CLEC12A: variants seen among roughly 807,000 people sequenced by gnomAD.
The protein encoded by CLEC12A is C-type lectin protein CLL-1.
Under a neutral mutation model 26.5 loss-of-function variants are expected in CLEC12A, and 22 were observed. The ratio of observed to expected loss-of-function variants is 0.83; its 90% CI spans 0.59 to 1.19. The LOEUF (loss-of-function observed/expected upper bound fraction) is 1.19, where lower values mean the gene tolerates loss of function less well. CLEC12A is among the 50% of genes most tolerant of loss of function. The pLI, the probability that CLEC12A is intolerant of heterozygous loss-of-function variation, is 0.00. For synonymous variants in CLEC12A, 119 were observed against 101.9 expected (o/e 1.17, Z -1.01); for missense variants, 353 against 315.6 (o/e 1.12, Z -0.90).
chr12:9,998,271 TC>T, downstream of CLEC12A: 1 of 1,609,750 alleles, frequency 6.2e-7, no homozygotes, highest in Non-Finnish European at 8.5e-7. Flanking sequence ...TCTGGCAGAG[TC>T]AACACTTACA....
intron 1 of CLEC12A, among the ~76,000 whole-genome samples, chr12:9,978,445 C>A (rs61913542): frequency 0.066 from 9,606 of 145,354 alleles, 412 homozygotes; most frequent in Non-Finnish European, 0.095. Flanking sequence ...CGGGAGGACA[C>A]CCAAAGACAT....
chr12:9,971,388 C>T (rs1434641006), upstream of CLEC12A: 1 of 1,187,872 alleles, frequency 8.4e-7, no homozygotes, highest in African/African-American at 1.6e-5. Flanking sequence ...ATGTTCTTAA[C>T]TGAAGCCACA....
At position 9,952,077 on chromosome 12, in the gene CLEC12A, A is replaced by G. The variant is rs371062645; in HGVS notation, c.10+721A>G. The G allele has an allele frequency of 8.1e-5, 11 of 135,324 alleles. No homozygotes were observed. The East Asian group carries it at 1.2e-3, about 14-fold the overall frequency. The allele number at this position is 135,324 out of a possible 1,614,324, so 8.4% of individuals were successfully genotyped here. A position where few individuals can be genotyped will look rare whatever the true frequency, so the allele number is the denominator to read the frequency against. ...TGGCCTTTAAAAATCAAACTGTCAG[A>G]CCCTGTCTCAAGGAAAAAAAAAAAA... On this transcript the variant is annotated intron_variant, in intron 1 of 6. Transcript: ENST00000355690.
intron 1 of CLEC12A, among the ~76,000 whole-genome samples, chr12:9,974,825 T>C (rs1202999117): frequency 6.6e-6 from 1 of 152,146 alleles, no homozygotes; most frequent in African/African-American, 2.4e-5. Context: ...CATACTGATA[T>C]GGTTTGACTG....
chr12:9,957,563 A>AT (rs1279390376), intron 1 of CLEC12A, among the ~76,000 whole-genome samples: 12 of 152,126 alleles, frequency 7.9e-5, no homozygotes, highest in East Asian at 1.9e-4. Context: ...TTCTTTTGAG[A>AT]TTTTGATCAG....
intron 1 of CLEC12A, 116 bp from the exon 2 acceptor site, chr12:9,978,850 T>C: frequency 1.4e-6 from 1 of 717,560 alleles, no homozygotes; most frequent in Non-Finnish European, 2.4e-6. Flanking sequence ...AATCCATTTC[T>C]TTCCAATAGG....
downstream of CLEC12A, among the ~76,000 whole-genome samples, chr12:9,989,585 G>A (rs1270524087): frequency 1.3e-5 from 2 of 152,302 alleles, no homozygotes; most frequent in East Asian, 3.9e-4. Context: ...AGAAATGTTG[G>A]AAGCTAGCAG....
downstream of CLEC12A, chr12:9,996,637 T>G: frequency 7.4e-6 from 5 of 674,094 alleles, no homozygotes; most frequent in Non-Finnish European, 1.3e-5. Flanking sequence ...GACAAGTCAA[T>G]TTGACTGATC....
intron 1 of CLEC12A, among the ~76,000 whole-genome samples, chr12:9,972,789 T>A (rs887250221): frequency 6.6e-6 from 1 of 151,750 alleles, no homozygotes; most frequent in Non-Finnish European, 1.5e-5. Context: ...AATACTGAAA[T>A]TTTTTTTTAG....
At chr12:9,964,907 T>G (rs923386176) in intron 1 of CLEC12A, among the ~76,000 whole-genome samples, 1 of 151,936 alleles carries the variant, frequency 6.6e-6, no homozygotes, top group African/African-American at 2.4e-5. Context: ...AGAGATACAG[T>G]CATAGGGGTC....
rs1865005640 is a variant in CLEC12A at position 9,995,079 on chromosome 12, G to A, written n.1066G>A. On this transcript the variant is annotated non_coding_transcript_exon_variant, in exon 5 of 5. Transcript: ENST00000449959. ...AGTAGTGACTTGGACTGAGAGAAGAGGGAATCTCAAGAATAAGAGTTTCCA... is the reference window on the plus strand; with the variant it reads ...AGTAGTGACTTGGACTGAGAGAAGAAGGAATCTCAAGAATAAGAGTTTCCA... 3.1e-6 allele frequency: 5 copies of A among 1,602,344 alleles called. No individual in the cohort carries two copies. The East Asian group carries it at 9.0e-5, about 29-fold the overall frequency.
chr12:9,962,431 T>C (rs1219623096), intron 1 of CLEC12A, among the ~76,000 whole-genome samples: 1 of 152,156 alleles, frequency 6.6e-6, no homozygotes, highest in East Asian at 1.9e-4. Context: ...TTTTCCGTTA[T>C]AACTTTCACT....
At chr12:9,976,731 C>T (rs1864352049) in intron 1 of CLEC12A, among the ~76,000 whole-genome samples, 1 of 152,114 alleles carries the variant, frequency 6.6e-6, no homozygotes, top group South Asian at 2.1e-4. Context: ...TATGGTTTGG[C>T]TGTGTCCACA....
downstream of CLEC12A, among the ~76,000 whole-genome samples, chr12:9,986,389 GT>G (rs2137215428): frequency 7.2e-6 from 1 of 138,988 alleles, no homozygotes; most frequent in Non-Finnish European, 1.5e-5. Flanking sequence ...AGTATTAAAT[GT>G]TTTCCTTTGA....
downstream of CLEC12A, among the ~76,000 whole-genome samples, chr12:9,989,474 G>A (rs141638322): frequency 1.9e-4 from 29 of 152,274 alleles, no homozygotes; most frequent in African/African-American, 6.5e-4. Flanking sequence ...GATACAAGAC[G>A]AAACCAATCA....
In CLEC12A at chr12:9,972,082, G is replaced by T. The variant is rs149569771; in HGVS notation, c.91+395G>T. On this transcript the variant is annotated intron_variant, in intron 1 of 5. Coordinates refer to ENST00000304361, the MANE Select transcript of CLEC12A (RefSeq NM_138337.6). ...TGTGTTTTTTTTTTTATAAGAAAAT[G>T]CTTTGTGTCAGACAGAGAGACCTTT... 3.1e-4 allele frequency among the ~76,000 whole-genome samples: 47 copies of T among 151,500 alleles called. No homozygotes were observed. The East Asian group carries it at 8.9e-3, about 29-fold the overall frequency.
intron 1 of CLEC12A, among the ~76,000 whole-genome samples, chr12:9,962,253 C>CTT (rs71049021): frequency 2.1e-3 from 252 of 119,232 alleles, no homozygotes; most frequent in African/African-American, 7.5e-3. Flanking sequence ...CCGGTTTTTT[C>CTT]TTTTTTTTTT....
At chr12:9,954,205 T>TAAAAAAAAAAAAA (rs35173002) in intron 1 of CLEC12A, among the ~76,000 whole-genome samples, 1 of 64,418 alleles carries the variant, frequency 1.6e-5, no homozygotes, top group Non-Finnish European at 3.0e-5. Flanking sequence ...GAATTATCAA[T>TAAAAAAAAAAAAA]AAAAAAAAAA....
upstream of CLEC12A, among the ~76,000 whole-genome samples, chr12:9,969,559 G>A (rs539453065): frequency 1.3e-5 from 2 of 152,194 alleles, no homozygotes; most frequent in South Asian, 2.1e-4. Flanking sequence ...TTGCAAACAG[G>A]ACTTTGAGAT....
Sources: allele counts gnomAD v4.1 joint callset (sites outside exome capture counted in the v4.1 genomes callset), GRCh38; gene constraint gnomAD v4.1.1; transcripts MANE v1.5; gene names NCBI Gene and HGNC (gene_info 2026-07-23, HGNC 2026-07-21).